The following SLC39A8 variants were observed in gnomAD, a reference collection of about 807,000 sequenced individuals.
SLC39A8 encodes the protein solute carrier family 39 member 8.
In SLC39A8, 15 loss-of-function variants were observed where a neutral mutation model predicts 40.4. The observed-to-expected ratio is 0.37, with a 90% CI of 0.25 to 0.57. The LOEUF is 0.57. Among genes scored for constraint, SLC39A8 ranks in the 20% least tolerant of loss-of-function variants. SLC39A8 has a pLI of 0.75. For missense variants in SLC39A8, 472 were observed against 558.8 expected (o/e 0.84, Z 1.57); for synonymous variants, 223 against 221.6 (o/e 1.01, Z -0.06).
intron 6 of SLC39A8, among the ~76,000 whole-genome samples, chr4:102,282,488 C>T (rs1732936784): frequency 6.6e-6 from 1 of 152,080 alleles, no homozygotes; most frequent in African/African-American, 2.4e-5. Flanking sequence ...TGTTTGTTTG[C>T]CAATTCTTAG....
At chr4:102,312,602 T>C (rs1380045635) in intron 3 of SLC39A8, among the ~76,000 whole-genome samples, 1 of 152,136 alleles carries the variant, frequency 6.6e-6, no homozygotes, top group African/African-American at 2.4e-5. Context: ...GTAAGTAACC[T>C]GCACAGAGTA....
At chr4:102,286,430 G>A (rs1055921832) in intron 6 of SLC39A8, among the ~76,000 whole-genome samples, 4 of 152,098 alleles carry the variant, frequency 2.6e-5, no homozygotes, top group Non-Finnish European at 5.9e-5. Flanking sequence ...TCTAAATAGG[G>A]ATAAGTCCTG....
At chr4:102,344,323 A>C in intron 2 of SLC39A8, 121 bp downstream of exon 2, 2 of 671,652 alleles carry the variant, frequency 3.0e-6, no homozygotes, top group Non-Finnish European at 4.7e-6. Flanking sequence ...ACCGCCTTCT[A>C]CTTGAGAAAT....
intron 3 of SLC39A8, among the ~76,000 whole-genome samples, chr4:102,310,584 C>T (rs1281753153): frequency 6.6e-6 from 1 of 152,130 alleles, no homozygotes; most frequent in Non-Finnish European, 1.5e-5. Flanking sequence ...TTTATCAGCA[C>T]AACTTGGGGG....
At chr4:102,266,915 C>G (rs1254638413) in intron 8 of SLC39A8, among the ~76,000 whole-genome samples, 2 of 152,116 alleles carry the variant, frequency 1.3e-5, no homozygotes, top group African/African-American at 4.8e-5. Context: ...CATGCACGCT[C>G]TTTTGAGCAC....
At chr4:102,297,506 T>C (rs1190478542) in intron 6 of SLC39A8, among the ~76,000 whole-genome samples, 1 of 152,008 alleles carries the variant, frequency 6.6e-6, no homozygotes, top group African/African-American at 2.4e-5. Flanking sequence ...TGGACAGTTG[T>C]GGGAAAGAAG....
Position 102,327,061 on chromosome 4 carries a change from C to T in SLC39A8, c.220-11231G>A, listed in dbSNP as rs1735236259. ...CTTTGAGACACCAAGGCAGGAGGAT[C>T]ACTTAAGCCCAGGAGTTCAAAACCA... is the stretch of plus-strand genomic sequence containing the variant. On this transcript the variant is annotated intron_variant, in intron 2 of 8. Coordinates refer to ENST00000356736, the MANE Select transcript of SLC39A8 (RefSeq NM_001135146.2). Among the ~76,000 whole-genome samples, 3 of 152,180 alleles carry T rather than the reference C, an allele frequency of 2.0e-5. 1 individual carries two copies. The highest frequency in any genetic ancestry group is 6.5e-5 in the Admixed American group (1 of 15,278).
intron 8 of SLC39A8, among the ~76,000 whole-genome samples, chr4:102,266,549 G>C (rs1314918055): frequency 6.6e-6 from 1 of 152,000 alleles, no homozygotes; most frequent in Non-Finnish European, 1.5e-5. Flanking sequence ...TCATTTTATA[G>C]AAAGATTTCC....
chr4:102,289,988 A>G (rs774439793), intron 6 of SLC39A8, among the ~76,000 whole-genome samples: 74 of 152,190 alleles, frequency 4.9e-4, no homozygotes, highest in Non-Finnish European at 9.7e-4. Flanking sequence ...TACTGTGGGT[A>G]AAATGCTGTC....
chr4:102,274,826 CCCAGAATTT>C (rs1032545506), intron 6 of SLC39A8, among the ~76,000 whole-genome samples: 1 of 152,126 alleles, frequency 6.6e-6, no homozygotes, highest in African/African-American at 2.4e-5. Context: ...GAATTTTCAA[CCCAGAATTT>C]CATATTCAGC....
At chr4:102,270,611 T>A (rs1246951243) in intron 6 of SLC39A8, among the ~76,000 whole-genome samples, 6 of 152,196 alleles carry the variant, frequency 3.9e-5, no homozygotes, top group Non-Finnish European at 8.8e-5. Flanking sequence ...ATGAGGCTAT[T>A]TCTATCCTCA....
intron 6 of SLC39A8, among the ~76,000 whole-genome samples, chr4:102,291,017 G>A (rs138151013): frequency 9.2e-5 from 14 of 151,866 alleles, no homozygotes; most frequent in Admixed American, 2.6e-4. Context: ...TCTTTTGAAC[G>A]TTCAACCTCT....
At chr4:102,257,573 C>G (rs140403235), downstream of SLC39A8, among the ~76,000 whole-genome samples, 45 of 152,266 alleles carry the variant, frequency 3.0e-4, no homozygotes, top group African/African-American at 1.1e-3. Flanking sequence ...AGTCTCTTGT[C>G]GAAGTTCTCC....
intron 2 of SLC39A8, among the ~76,000 whole-genome samples, chr4:102,330,111 C>T (rs1735387675): frequency 6.6e-6 from 1 of 152,052 alleles, no homozygotes; most frequent in Non-Finnish European, 1.5e-5. Flanking sequence ...ATTAAAAGAA[C>T]TAGAGAAGCA....
exon 12 of SLC39A8, chr4:102,252,238 GGTCT>G (rs1731609238): frequency 6.6e-6 from 1 of 152,358 alleles, no homozygotes; most frequent in African/African-American, 2.4e-5. Context: ...TTTACAGACA[GGTCT>G]GTCTGTTTGG....
intron 6 of SLC39A8, among the ~76,000 whole-genome samples, chr4:102,278,412 C>T (rs770532204): frequency 1.1e-4 from 16 of 152,014 alleles, no homozygotes; most frequent in Non-Finnish European, 2.2e-4. Flanking sequence ...TGATCATTAG[C>T]GAAATGCAAA....
intron 6 of SLC39A8, among the ~76,000 whole-genome samples, chr4:102,279,290 C>T (rs1370741112): frequency 6.6e-6 from 1 of 151,982 alleles, no homozygotes; most frequent in Admixed American, 6.6e-5. Context: ...TAACTCCTGG[C>T]AATTTAAATT....
At chr4:102,336,146 C>T (rs1417756344) in intron 2 of SLC39A8, among the ~76,000 whole-genome samples, 1 of 152,072 alleles carries the variant, frequency 6.6e-6, no homozygotes, top group Non-Finnish European at 1.5e-5. Context: ...TGAGTTGGCA[C>T]GTATAACATA....
intron 2 of SLC39A8, among the ~76,000 whole-genome samples, chr4:102,336,819 C>T (rs1735689227): frequency 6.6e-6 from 1 of 152,076 alleles, no homozygotes; most frequent in South Asian, 2.1e-4. Context: ...AATCTCAAGG[C>T]TACTGAAACA....
Sources: gnomAD v4.1 joint callset for allele counts (sites outside exome capture counted in the v4.1 genomes callset) on GRCh38, gnomAD v4.1.1 for gene constraint, MANE v1.5 for transcripts, NCBI Gene and HGNC (gene_info 2026-07-23, HGNC 2026-07-21) for gene names.